The following ZGPAT variants were observed in gnomAD, a reference collection of about 807,000 sequenced individuals.
ZGPAT encodes the protein zinc finger CCCH-type and G-patch domain containing.
Under a neutral mutation model 47.9 loss-of-function variants are expected in ZGPAT, and 39 were observed. The observed-to-expected ratio is 0.81, with a 90% CI of 0.63 to 1.06. The LOEUF (loss-of-function observed/expected upper bound fraction) is 1.06. Among genes scored for constraint, ZGPAT ranks in the 50% least tolerant of loss-of-function variants. The probability of loss-of-function intolerance (pLI) is 0.00; values close to 1 mark genes in which losing one functional copy is unlikely to be tolerated. For missense variants in ZGPAT, 717 were observed against 681.4 expected, an observed-to-expected ratio of 1.05 and a Z score of -0.58; for synonymous variants, 348 against 292.9, an observed-to-expected ratio of 1.19 and a Z score of -1.92.
chr20:63,710,576 A>T (rs748320602), intron 2 of ZGPAT, among the ~76,000 whole-genome samples: 2 of 152,228 alleles, frequency 1.3e-5, no homozygotes, highest in Non-Finnish European at 2.9e-5. Flanking sequence ...CAATGTCGTC[A>T]TTTATTAATA....
intron 2 of ZGPAT, among the ~76,000 whole-genome samples, chr20:63,716,028 A>G (rs1038295102): frequency 6.6e-6 from 1 of 151,910 alleles, no homozygotes; most frequent in African/African-American, 2.4e-5. Context: ...GTCTATTCAG[A>G]TTTTCTGTTT....
At position 63,708,595 on chromosome 20, in the gene ZGPAT, C is replaced by G; in HGVS notation, c.15C>G (p.Ser5Arg). 5 of 1,602,780 alleles carry G rather than the reference C, an allele frequency of 3.1e-6. No homozygotes were observed. Among genetic ancestry groups the G allele is most frequent in the Non-Finnish European group, 4.3e-6 (5 of 1,172,922 alleles). Residue 5 changes from serine (S) to arginine (R), a missense_variant, in exon 2 of 7, where the codon AGC becomes AGG. Coordinates refer to ENST00000355969, the MANE Select transcript of ZGPAT (RefSeq NM_181485.3). ...CCTCTCTCAGCATGGACGAGGAGAG[C>G]CTGGAGTCGGCCTTGCAGACCTACC... MDEESLESALQTYRA... is the reference protein window; with the variant it reads MDEERLESALQTYRA...
At chr20:63,708,450 G>T in intron 1 of ZGPAT, 103 bp from the exon 2 acceptor site, 3 of 797,374 alleles carry the variant, frequency 3.8e-6, no homozygotes, top group Non-Finnish European at 5.9e-6. Context: ...CCTCTGAGCC[G>T]GTGTCTCCCC....
At chr20:63,732,682 A>G (rs997797913) in intron 2 of ZGPAT, among the ~76,000 whole-genome samples, 10 of 151,360 alleles carry the variant, frequency 6.6e-5, no homozygotes, top group Non-Finnish European at 1.2e-4. Context: ...GCCTGTGTGC[A>G]TGTGTGTATG....
At chr20:63,726,138 C>G (rs534702769) in intron 2 of ZGPAT, among the ~76,000 whole-genome samples, 2 of 151,784 alleles carry the variant, frequency 1.3e-5, no homozygotes, top group Admixed American at 1.3e-4. Context: ...TGCACCCGGC[C>G]AGGATAATTT....
intron 1 of ZGPAT, 42 bp from the exon 2 acceptor site, chr20:63,708,511 C>G: frequency 5.6e-6 from 8 of 1,429,316 alleles, no homozygotes; most frequent in Non-Finnish European, 7.5e-6. Flanking sequence ...GCTGTGGGGT[C>G]GGTCCCGAGA....
In ZGPAT at chr20:63,719,997, C is replaced by G. The variant is rs770699178; in HGVS notation, c.584+10833C>G. ...CCTCAGGTGATCTGTCCGCCTCAGC[C>G]TCCCAAAATGCTGGGATTACAGATG... On this transcript the variant is annotated intron_variant, in intron 2 of 6. Transcript: ENST00000355969. 1.6e-4 allele frequency among the ~76,000 whole-genome samples: 24 copies of G among 152,216 alleles called. No individual in the cohort carries two copies. The Middle Eastern group carries it at 0.01, about 65-fold the overall frequency.
intron 2 of ZGPAT, among the ~76,000 whole-genome samples, chr20:63,728,610 T>C (rs1216647237): frequency 1.3e-5 from 2 of 152,216 alleles, no homozygotes; most frequent in Non-Finnish European, 2.9e-5. Context: ...CTTCTGTGGC[T>C]CTCATTTTCA....
chr20:63,720,729 C>T (rs1203282984), intron 2 of ZGPAT, among the ~76,000 whole-genome samples: 2 of 152,170 alleles, frequency 1.3e-5, no homozygotes, highest in Non-Finnish European at 2.9e-5. Flanking sequence ...GTTGAGATTA[C>T]AGGTGTGAGC....
intron 2 of ZGPAT, among the ~76,000 whole-genome samples, chr20:63,722,565 C>T (rs1410220765): frequency 6.6e-6 from 1 of 152,052 alleles, no homozygotes; most frequent in Non-Finnish European, 1.5e-5. Flanking sequence ...AGTGGTTGCT[C>T]TAGAGATGAC....
Position 63,709,178 on chromosome 20 carries a change from T to C in ZGPAT, c.584+14T>C. The C allele has an allele frequency of 6.2e-7, 1 of 1,605,774 alleles. No homozygotes were observed. The highest frequency in any genetic ancestry group is 8.5e-7 in the Non-Finnish European group (1 of 1,179,944). On this transcript the variant is annotated intron_variant, in intron 2 of 6. Coordinates refer to ENST00000355969, the MANE Select transcript of ZGPAT (RefSeq NM_181485.3). ...GGAGAACTGCAGGTAAAGCCCTTTG[T>C]TGTCAGATGCCAACCTTAGGGGCGT...
chr20:63,717,656 G>T (rs934778199), intron 2 of ZGPAT, among the ~76,000 whole-genome samples: 4 of 152,048 alleles, frequency 2.6e-5, no homozygotes, highest in Non-Finnish European at 4.4e-5. Context: ...CTGTAGCCTT[G>T]AGCTCCTGGA....
intron 4 of ZGPAT, 83 bp downstream of exon 4, chr20:63,733,822 C>T: frequency 6.6e-7 from 1 of 1,524,952 alleles, no homozygotes; most frequent in Non-Finnish European, 8.8e-7. Context: ...CACCAACCAT[C>T]TAACCAAACT....
intron 2 of ZGPAT, among the ~76,000 whole-genome samples, chr20:63,731,525 G>C (rs1298843001): frequency 9.3e-6 from 1 of 107,248 alleles, no homozygotes; most frequent in East Asian, 8.4e-4. Flanking sequence ...GTGTGATTGT[G>C]TGCATACGTG....
intron 2 of ZGPAT, among the ~76,000 whole-genome samples, chr20:63,728,248 G>A (rs1234335865): frequency 6.6e-6 from 1 of 152,050 alleles, no homozygotes; most frequent in African/African-American, 2.4e-5. Flanking sequence ...GTGTTAGCCA[G>A]GATGGTCTCG....
At chr20:63,728,042 T>C (rs1465386044) in intron 2 of ZGPAT, among the ~76,000 whole-genome samples, 2 of 151,010 alleles carry the variant, frequency 1.3e-5, no homozygotes. Flanking sequence ...AAATTCTTTT[T>C]TTTTTTTTTT....
chr20:63,735,490 G>T lies in ZGPAT; in HGVS notation c.1323G>T (p.Gln441His), dbSNP rs2091975672. The T allele has an allele frequency of 1.3e-6, 2 of 1,542,110 alleles. No individual in the cohort carries two copies. The highest frequency in any genetic ancestry group is 1.7e-6 in the Non-Finnish European group (2 of 1,149,736). ...GGGCCCTGAGCCTGCGGCTCTTCCA[G>T]ACTGAGGAGAAGATCGAGCGAACCC... Reference protein sequence around the residue: ...AKRALSLRLFQTEEKIERTQR... With the variant: ...AKRALSLRLFHTEEKIERTQR... The change falls in exon 6 of 7, where the codon CAG (glutamine) becomes CAT (histidine). Residue 441 changes from glutamine (Q) to histidine (H), a missense_variant. Physicochemically the swap from Gln to His is conservative, Grantham distance 24. Transcript: ENST00000355969.
At chr20:63,710,443 C>A (rs913138604) in intron 2 of ZGPAT, among the ~76,000 whole-genome samples, 1 of 152,200 alleles carries the variant, frequency 6.6e-6, no homozygotes, top group East Asian at 1.9e-4. Flanking sequence ...TGAGCCACTG[C>A]GCCTGGCCCT....
chr20:63,717,252 G>A (rs1445034324), intron 2 of ZGPAT, among the ~76,000 whole-genome samples: 2 of 150,904 alleles, frequency 1.3e-5, no homozygotes, highest in African/African-American at 2.4e-5. Context: ...CTGCTGGTTT[G>A]GGTTTAATTT....
Sources: gnomAD v4.1 joint callset for allele counts (sites outside exome capture counted in the v4.1 genomes callset) on GRCh38, gnomAD v4.1.1 for gene constraint, MANE v1.5 for transcripts, NCBI Gene and HGNC (gene_info 2026-07-23, HGNC 2026-07-21) for gene names.